SHLD1: variants seen among roughly 807,000 people sequenced by gnomAD.
SHLD1 encodes shieldin complex subunit 1.
A neutral mutation model predicts 5.5 loss-of-function variants in SHLD1; 3 were observed. The ratio of observed to expected loss-of-function variants is 0.54; its 90% CI spans 0.25 to 1.40. SHLD1 has a LOEUF of 1.40. Among genes scored for constraint, SHLD1 ranks in the 40% most tolerant of loss-of-function variants. SHLD1 has a pLI of 0.15. For missense variants in SHLD1, 210 were observed against 244.4 expected (o/e 0.86, Z 0.94); for synonymous variants, 92 against 94.3 (o/e 0.98, Z 0.14).
chr20:5,823,739 C>T (rs932574757), intron 2 of SHLD1, among the ~76,000 whole-genome samples: 14 of 152,068 alleles, frequency 9.2e-5, no homozygotes, highest in South Asian at 4.1e-4. Flanking sequence ...TGAGTCACCG[C>T]GCCCAGCCAA....
chr20:5,825,556 C>A (rs2087656256), intron 2 of SHLD1, among the ~76,000 whole-genome samples: 1 of 152,188 alleles, frequency 6.6e-6, no homozygotes, highest in Non-Finnish European at 1.5e-5. Context: ...TGTAAGACAA[C>A]CTGAGTTAAG....
chr20:5,821,672 T>C (rs1258578056), intron 2 of SHLD1, among the ~76,000 whole-genome samples: 1 of 152,178 alleles, frequency 6.6e-6, no homozygotes, highest in East Asian at 1.9e-4. Context: ...AGGGGCTTAA[T>C]AGGGTAGTTC....
chr20:5,841,964 A>AAAG (rs137855126), intron 2 of SHLD1, among the ~76,000 whole-genome samples: 2,788 of 152,348 alleles, frequency 0.018, 32 homozygotes, highest in Non-Finnish European at 0.025. Context: ...GACTATGGAG[A>AAAG]AAGAGAACAT....
chr20:5,754,821 C>T (rs763904726), intron 1 of SHLD1, among the ~76,000 whole-genome samples: 3 of 152,114 alleles, frequency 2.0e-5, no homozygotes, highest in East Asian at 1.9e-4. Context: ...TTTGGGAGGC[C>T]GACGCGGGCG....
rs1985404279 is a variant in SHLD1, at chr20:5,775,923, A to ATTTTTTTTTTTTTTTTTC, written c.178+2897_178+2898insCTTTTTTTTTTTTTTTTT. On this transcript the variant is annotated intron_variant, in intron 2 of 2. Coordinates refer to ENST00000303142, the MANE Select transcript of SHLD1 (RefSeq NM_152504.4). Reference sequence around the variant, plus strand: ...TGCAGTACTGCCTGGTCAGCTCAGGATTTTTTTTTTTTTTTTTTTTTTGAG... The same window carrying ATTTTTTTTTTTTTTTTTC: ...TGCAGTACTGCCTGGTCAGCTCAGGATTTTTTTTTTTTTTTTTCTTTTTTTTTTTTTTTTTTTTTTGAG... 2.6e-5 allele frequency among the ~76,000 whole-genome samples: 2 copies of ATTTTTTTTTTTTTTTTTC among 77,678 alleles called. 1 individual carries two copies. Among genetic ancestry groups the ATTTTTTTTTTTTTTTTTC allele is most frequent in the African/African-American group, 1.2e-4 (2 of 16,770 alleles). 51.0% of individuals were successfully genotyped at this position (77,678 alleles called of 152,430 possible).
intron 2 of SHLD1, among the ~76,000 whole-genome samples, chr20:5,858,063 C>T (rs948080323): frequency 6.1e-5 from 9 of 148,698 alleles, no homozygotes; most frequent in African/African-American, 2.2e-4. Flanking sequence ...CGCGCCACTG[C>T]ACTCCAGCCT....
At chr20:5,760,862 G>T (rs1205807823) in intron 1 of SHLD1, among the ~76,000 whole-genome samples, 1 of 152,076 alleles carries the variant, frequency 6.6e-6, no homozygotes, top group Non-Finnish European at 1.5e-5. Flanking sequence ...GAGACAGCCT[G>T]TTTCAGGTTG....
chr20:5,861,448 G>T (rs1632590), intron 2 of SHLD1, among the ~76,000 whole-genome samples: 110,624 of 152,184 alleles, frequency 0.73, 40,374 homozygotes, highest in African/African-American at 0.79. Flanking sequence ...TCAACAACTT[G>T]TAATGAGTTG....
intron 2 of SHLD1, among the ~76,000 whole-genome samples, chr20:5,842,906 C>G (rs1315315730): frequency 6.6e-6 from 1 of 152,146 alleles, no homozygotes; most frequent in Non-Finnish European, 1.5e-5. Flanking sequence ...GTTCCTAACT[C>G]AAACTTTCAA....
At chr20:5,771,212 A>G (rs529556055) in intron 1 of SHLD1, among the ~76,000 whole-genome samples, 78 of 152,126 alleles carry the variant, frequency 5.1e-4, no homozygotes, top group Non-Finnish European at 2.9e-5. Flanking sequence ...CTTCCTTTGC[A>G]CTTTTATGAA....
intron 1 of SHLD1, among the ~76,000 whole-genome samples, chr20:5,762,156 G>A (rs1244231984): frequency 1.3e-5 from 2 of 151,686 alleles, no homozygotes; most frequent in African/African-American, 2.4e-5. Context: ...GGAGGCTGAG[G>A]CAAGAGAATT....
intron 2 of SHLD1, among the ~76,000 whole-genome samples, chr20:5,812,751 T>G (rs543721981): frequency 1.3e-5 from 2 of 152,320 alleles, no homozygotes; most frequent in South Asian, 4.1e-4. Context: ...ATGTTGTCCC[T>G]TCAGTCATTA....
chr20:5,836,373 C>T (rs1382168375), intron 2 of SHLD1, among the ~76,000 whole-genome samples: 4 of 152,164 alleles, frequency 2.6e-5, no homozygotes, highest in African/African-American at 9.7e-5. Flanking sequence ...TTCATTTTTA[C>T]ACAATATCAT....
At chr20:5,752,615 G>GTT (rs776510495) in intron 1 of SHLD1, among the ~76,000 whole-genome samples, 3,851 of 120,538 alleles carry the variant, frequency 0.032, 215 homozygotes, top group African/African-American at 0.11. Flanking sequence ...ATATTTTGGG[G>GTT]TTTTTTTTTT....
At chr20:5,775,571 A>G (rs1271227418) in intron 2 of SHLD1, among the ~76,000 whole-genome samples, 1 of 152,000 alleles carries the variant, frequency 6.6e-6, no homozygotes, top group African/African-American at 2.4e-5. Flanking sequence ...ATTCTATGCC[A>G]AAAAGGTTGT....
intron 1 of SHLD1, among the ~76,000 whole-genome samples, chr20:5,750,972 G>T (rs1472898463): frequency 6.6e-6 from 1 of 152,114 alleles, no homozygotes; most frequent in Non-Finnish European, 1.5e-5. Context: ...ACTCCAGCCT[G>T]GAAGACAGAG....
chr20:5,856,590 A>AC (rs2088088812), intron 2 of SHLD1, among the ~76,000 whole-genome samples: 1 of 152,220 alleles, frequency 6.6e-6, no homozygotes, highest in Non-Finnish European at 1.5e-5. Flanking sequence ...ACATGGAGGC[A>AC]CCTTATCCAG....
chr20:5,766,838 C>A (rs1984857755), intron 1 of SHLD1, among the ~76,000 whole-genome samples: 1 of 152,142 alleles, frequency 6.6e-6, no homozygotes. Flanking sequence ...CTCTTGGCCT[C>A]AAGCAGTCCT....
At chr20:5,754,948 C>T (rs576645213) in intron 1 of SHLD1, among the ~76,000 whole-genome samples, 7 of 151,732 alleles carry the variant, frequency 4.6e-5, no homozygotes, top group South Asian at 2.1e-4. Context: ...TCCAGCTACT[C>T]GGGAGGCTGA....
Sources: allele counts gnomAD v4.1 joint callset (sites outside exome capture counted in the v4.1 genomes callset), GRCh38; gene constraint gnomAD v4.1.1; transcripts MANE v1.5; gene names NCBI Gene and HGNC (gene_info 2026-07-23, HGNC 2026-07-21).